SLC26A4: variants seen among roughly 807,000 people sequenced by gnomAD.
SLC26A4 encodes solute carrier family 26 member 4.
SLC26A4 carries 93 observed loss-of-function variants against 90.4 expected under a neutral mutation model. The ratio of observed to expected loss-of-function variants is 1.03; its 90% confidence interval spans 0.87 to 1.22. SLC26A4 has a LOEUF of 1.22. Among genes scored for constraint, SLC26A4 ranks in the 50% most tolerant of loss-of-function variants. SLC26A4 has a pLI of 0.00. For missense variants in SLC26A4, 1,127 were observed against 946.2 expected (o/e 1.19, Z -2.51); for synonymous variants, 393 against 354.6 (o/e 1.11, Z -1.22).
intron 10 of SLC26A4, chr7:107,693,305 A>G: frequency 6.1e-6 from 6 of 985,402 alleles, no homozygotes; most frequent in Non-Finnish European, 7.2e-6. Flanking sequence ...CATACAAAGC[A>G]CGCTTTTTAG....
intron 14 of SLC26A4, among the ~76,000 whole-genome samples, chr7:107,699,395 A>T (rs1275882937): frequency 8.5e-5 from 13 of 152,170 alleles, no homozygotes; most frequent in Admixed American, 8.5e-4. Flanking sequence ...CATAGGCCTC[A>T]GTTCTGCAAA....
chr7:107,677,673 A>C (rs1791063994), intron 6 of SLC26A4, among the ~76,000 whole-genome samples: 1 of 151,048 alleles, frequency 6.6e-6, no homozygotes, highest in Admixed American at 6.6e-5. Context: ...TAGCACAGTC[A>C]TAGCTCACTG....
chr7:107,691,514 TACAC>T (rs113976786), intron 10 of SLC26A4, among the ~76,000 whole-genome samples: 505 of 131,036 alleles, frequency 3.9e-3, no homozygotes, highest in Middle Eastern at 8.1e-3. Context: ...AATATATATA[TACAC>T]ACACACACAC....
At chr7:107,677,836 C>T (rs866527772) in intron 6 of SLC26A4, among the ~76,000 whole-genome samples, 1 of 152,006 alleles carries the variant, frequency 6.6e-6, no homozygotes, top group African/African-American at 2.4e-5. Context: ...AGGTTAGTCT[C>T]GAACTCCTGA....
chr7:107,700,000 A>C lies in SLC26A4; in HGVS notation c.1615-83A>C, dbSNP rs980187842. 6.0e-6 allele frequency: 5 copies of C among 832,954 alleles called. No individual in the cohort carries two copies. The Admixed American group carries it at 7.0e-5, about 12-fold the overall frequency. 51.6% of individuals were successfully genotyped at this position (832,954 alleles called of 1,614,324 possible). A position where few individuals can be genotyped will look rare whatever the true frequency, so the allele number is the denominator to read the frequency against. Reference sequence around the variant, plus strand: ...AGCTCCTCTGAGCAACTGTGACTTGACTCCTTGCTAAGTAGCCAGAAATGT... The same window carrying C: ...AGCTCCTCTGAGCAACTGTGACTTGCCTCCTTGCTAAGTAGCCAGAAATGT... On this transcript the variant is annotated intron_variant, in intron 14 of 20. Transcript: ENST00000644269.
chr7:107,690,665 C>T (rs961676154), intron 10 of SLC26A4, among the ~76,000 whole-genome samples: 1 of 152,166 alleles, frequency 6.6e-6, no homozygotes, highest in Non-Finnish European at 1.5e-5. Context: ...GGATCAGGAA[C>T]TTCCTCCAGG....
chr7:107,670,121 T>TC, intron 3 of SLC26A4, among the ~76,000 whole-genome samples: 1 of 151,754 alleles, frequency 6.6e-6, no homozygotes, highest in Admixed American at 6.6e-5. Flanking sequence ...GATTTTTTTT[T>TC]TTTTTTGAGA....
intron 5 of SLC26A4, 49 bp downstream of exon 5, chr7:107,674,397 A>G (rs1047520059): frequency 3.6e-6 from 5 of 1,376,332 alleles, no homozygotes; most frequent in Non-Finnish European, 5.2e-6. Context: ...TTTATTTGAA[A>G]TTAACTTTAA....
At chr7:107,696,975 C>T (rs1368410382) in intron 13 of SLC26A4, among the ~76,000 whole-genome samples, 3 of 152,180 alleles carry the variant, frequency 2.0e-5, no homozygotes, top group African/African-American at 7.2e-5. Context: ...TCCCACCAGC[C>T]AGTTCTCCTT....
intron 19 of SLC26A4, among the ~76,000 whole-genome samples, chr7:107,711,006 T>A (rs1223774822): frequency 6.6e-6 from 1 of 152,244 alleles, no homozygotes; most frequent in Non-Finnish European, 1.5e-5. Flanking sequence ...TATTGTAGAT[T>A]GGCAGTTGAT....
chr7:107,701,108 T>A lies in SLC26A4; in HGVS notation c.1715T>A (p.Phe572Tyr). 6.3e-7 allele frequency: 1 copy of A among 1,598,536 alleles called. No individual in the cohort carries two copies. Among genetic ancestry groups the A allele is most frequent in the South Asian group, 1.1e-5 (1 of 90,740 alleles). Residue 572 changes from phenylalanine (F) to tyrosine (Y), a missense_variant, in exon 16 of 21, where the codon TTT becomes TAT. Physicochemically the swap from Phe to Tyr is conservative, Grantham distance 22. Transcript: ENST00000644269. The stretch of plus-strand genomic sequence containing the variant: ...TGACATTTATTTCCAAAGGTTGGAT[T>A]TGATGCCATTAGAGTATATAATAAG... ...FKKCIKSTVG[F>Y]DAIRVYNKRL...
chr7:107,692,865 C>G (rs1455557202), intron 10 of SLC26A4: 1 of 152,130 alleles, frequency 6.6e-6, no homozygotes, highest in African/African-American at 2.4e-5. Context: ...ATTGATCACT[C>G]ACCAATTTTA....
At position 107,664,475 on chromosome 7, in the gene SLC26A4, G is replaced by A. The variant is rs370730972; in HGVS notation, c.304+1040G>A. On this transcript the variant is annotated intron_variant, in intron 3 of 20. Transcript: ENST00000644269. ...TGGAACTCCTAACCTCAAGTGATCC[G>A]CCCTCCTTGGTATCCCAAAGTACTG... Among the ~76,000 whole-genome samples the A allele has an allele frequency of 1.8e-4, 27 of 151,786 alleles. No individual in the cohort carries two copies. The South Asian group carries it at 1.9e-3, about 11-fold the overall frequency.
At chr7:107,677,839 A>G (rs532609220) in intron 6 of SLC26A4, among the ~76,000 whole-genome samples, 1 of 151,976 alleles carries the variant, frequency 6.6e-6, no homozygotes, top group African/African-American at 2.4e-5. Context: ...TTAGTCTCGA[A>G]CTCCTGAGTT....
In SLC26A4 at chr7:107,712,559, TA is replaced by T; in HGVS notation, c.2259del (p.Asp754IlefsTer5). ...LETITLIQDC[K>X]DTLELIETEL... ...TCAAGATCACTCTCATTCAGGATTG[TA>T]AAGATACCCTTGAATTAATAGAAAC... On this transcript the variant is annotated frameshift_variant, in exon 20 of 21. Coordinates refer to ENST00000644269, the MANE Select transcript of SLC26A4 (RefSeq NM_000441.2). LOFTEE classifies it high-confidence loss of function. The T allele has an allele frequency of 6.3e-7, 1 of 1,582,510 alleles. No homozygotes were observed. The highest frequency in any genetic ancestry group is 8.7e-7 in the Non-Finnish European group (1 of 1,151,290).
chr7:107,689,325 G>T, intron 9 of SLC26A4, 125 bp downstream of exon 9: 2 of 985,542 alleles, frequency 2.0e-6, no homozygotes, highest in Admixed American at 1.8e-5. Flanking sequence ...TATTGGGTTG[G>T]TTTTCCTCTT....
chr7:107,683,137 T>C lies in SLC26A4; in HGVS notation c.766-65T>C, dbSNP rs920182615. The C allele has an allele frequency of 1.1e-5, 13 of 1,148,798 alleles. No individual in the cohort carries two copies. In the African/African-American group the frequency reaches 1.2e-4, roughly 11 times the overall value. 71.2% of individuals were successfully genotyped at this position (1,148,798 alleles called of 1,614,324 possible). A position where few individuals can be genotyped will look rare whatever the true frequency, so the allele number is the denominator to read the frequency against. ...CATATGAGAATTGATTGTGTGTGTG[T>C]GCGTGTGTGTGTGCTCGTGTGCGTG... On this transcript the variant is annotated intron_variant, in intron 6 of 20. Coordinates refer to ENST00000644269, the MANE Select transcript of SLC26A4 (RefSeq NM_000441.2).
chr7:107,699,674 A>G (rs1427612800), intron 14 of SLC26A4, among the ~76,000 whole-genome samples: 1 of 152,142 alleles, frequency 6.6e-6, no homozygotes, highest in Non-Finnish European at 1.5e-5. Flanking sequence ...CACACCTGTA[A>G]TCCCAGCACT....
intron 3 of SLC26A4, among the ~76,000 whole-genome samples, chr7:107,669,147 G>A (rs1014561201): frequency 6.6e-6 from 1 of 151,968 alleles, no homozygotes; most frequent in Admixed American, 6.6e-5. Flanking sequence ...TAGTAGAGAC[G>A]AGATTTCACC....
Sources: gnomAD v4.1 joint callset for allele counts (sites outside exome capture counted in the v4.1 genomes callset) on GRCh38, gnomAD v4.1.1 for gene constraint, MANE v1.5 for transcripts, NCBI Gene and HGNC (gene_info 2026-07-23, HGNC 2026-07-21) for gene names.